Variants in CATSPER2 observed in about 807,000 individuals in gnomAD.
CATSPER2 encodes cation channel sperm-associated protein 2.
CATSPER2 carries 56 observed loss-of-function variants against 68.8 expected under a neutral mutation model. The observed-to-expected ratio is 0.81, with a 90% CI of 0.66 to 1.02. The LOEUF is 1.02. CATSPER2 is among the 50% of genes least tolerant of loss of function. The pLI is 0.00. For missense variants in CATSPER2, 582 were observed against 642.0 expected (o/e 0.91, Z 1.01); for synonymous variants, 198 against 229.9 (o/e 0.86, Z 1.26).
At chr15:43,646,040 AT>A (rs2086157180) in intron 4 of CATSPER2, among the ~76,000 whole-genome samples, 1 of 151,814 alleles carries the variant, frequency 6.6e-6, no homozygotes. Flanking sequence ...GAGCTTTCTT[AT>A]TTATACTTAA....
Position 43,647,983 on chromosome 15 carries a change from A to G in CATSPER2, c.79T>C (p.Ser27Pro), listed in dbSNP as rs1264650108. The change falls in exon 2 of 13, where the codon TCT becomes CCT. Residue 27 changes from serine to proline, a missense_variant. Ser to Pro is a moderately conservative substitution (Grantham distance 74, BLOSUM62 -1). Transcript: ENST00000396879. Reference sequence around the variant, plus strand: ...AAGCCTTGCAAATGCTCAATGAGAGAGAAAGTATCGATGAGACGTGAACGA... The same window carrying G: ...AAGCCTTGCAAATGCTCAATGAGAGGGAAAGTATCGATGAGACGTGAACGA... Reference protein sequence around the residue: ...AIRSRLIDTFSLIEHLQGLSQ... With the variant: ...AIRSRLIDTFPLIEHLQGLSQ... 3.7e-6 allele frequency: 6 copies of G among 1,613,696 alleles called. No homozygotes were observed. In the South Asian group the frequency reaches 5.5e-5, roughly 15 times the overall value.
chr15:43,648,842 A>G lies in CATSPER2; in HGVS notation c.-216T>C. The G allele has an allele frequency of 6.5e-7, 1 of 1,527,088 alleles. No individual in the cohort carries two copies. Among genetic ancestry groups the G allele is most frequent in the Non-Finnish European group, 8.8e-7 (1 of 1,141,368 alleles). The allele number at this position is 1,527,088 out of a possible 1,614,324, so 94.6% of individuals were successfully genotyped here. A position where few individuals can be genotyped will look rare whatever the true frequency, so the allele number is the denominator to read the frequency against. The stretch of plus-strand genomic sequence containing the variant: ...CCCACAGCCCAGGACCATGCGGAGC[A>G]ACGCTCGCCCAGCCACTCGCCGCCT... On this transcript the variant is annotated 5_prime_UTR_variant, in exon 1 of 13. Coordinates refer to ENST00000396879, the MANE Select transcript of CATSPER2 (RefSeq NM_172095.4).
chr15:43,646,750 T>C (rs1431624700), intron 4 of CATSPER2, among the ~76,000 whole-genome samples: 2 of 150,050 alleles, frequency 1.3e-5, no homozygotes, highest in East Asian at 2.0e-4. Context: ...AGTTGTACTC[T>C]GTCGCCCAGG....
intron 9 of CATSPER2, 110 bp downstream of exon 9, chr15:43,635,617 G>A (rs1363619815): frequency 2.7e-6 from 3 of 1,097,490 alleles, no homozygotes; most frequent in African/African-American, 1.6e-5. Context: ...TTATCCTTGG[G>A]GGCAAATCTA....
rs1567125581 is a variant in CATSPER2, at chr15:43,632,843, T to C, written c.1270A>G (p.Ile424Val). Residue 424 changes from isoleucine to valine, a missense_variant, in exon 11 of 13, where the codon ATA (isoleucine) becomes GTA (valine). Transcript: ENST00000396879. ...TCTTCTGTTTTTGATGCAGATGTTA[T>C]TAAATCCTCTTCAGTGGCACCATAA... Reference protein sequence around the residue: ...SNYGATEEDLITSASKTEETL... With the variant: ...SNYGATEEDLVTSASKTEETL... 1.9e-6 allele frequency: 3 copies of C among 1,613,490 alleles called. No individual in the cohort carries two copies. Among genetic ancestry groups the C allele is most frequent in the Non-Finnish European group, 1.7e-6 (2 of 1,179,774 alleles).
intron 4 of CATSPER2, chr15:43,642,709 T>C (rs1339496471): frequency 7.6e-6 from 1 of 131,690 alleles, no homozygotes; most frequent in Admixed American, 8.2e-5. Flanking sequence ...GTCCAAATTA[T>C]AGAAGCAGTA....
chr15:43,639,036 C>G lies in CATSPER2; in HGVS notation c.718-8G>C. On this transcript the variant is annotated splice_region_variant and splice_polypyrimidine_tract_variant and intron_variant, in intron 6 of 12. Coordinates refer to ENST00000396879, the MANE Select transcript of CATSPER2 (RefSeq NM_172095.4). ...CAAGAGGAAGGTCATGCTCTAGAGG[C>G]CATAACTCTCATGTCAGATGTGGGC... 1.2e-6 allele frequency: 2 copies of G among 1,611,520 alleles called. 1 individual carries two copies.
At chr15:43,639,291 C>CTAGA in intron 6 of CATSPER2, 1 of 478,562 alleles carries the variant, frequency 2.1e-6, no homozygotes, top group East Asian at 4.3e-5. Flanking sequence ...GTCGCCTAGG[C>CTAGA]TAGAGTGCAG....
chr15:43,639,679 A>C lies in CATSPER2; in HGVS notation c.681T>G (p.Ile227Met), dbSNP rs773207863. The change falls in exon 6 of 13, where the codon ATT becomes ATG. Residue 227 changes from isoleucine to methionine, a missense_variant. Physicochemically the swap from Ile to Met is conservative, Grantham distance 10 (BLOSUM62 1). Coordinates refer to ENST00000396879, the MANE Select transcript of CATSPER2 (RefSeq NM_172095.4). The stretch of plus-strand genomic sequence containing the variant: ...TGACCAGGACCAAAATAATAATTTG[A>C]ATTTGACGGAATTGTGCAAGGAGTT... ...SLKLLAQFRQ[I>M]QIIILVLVRA... 1.1e-5 allele frequency: 17 copies of C among 1,613,058 alleles called. 2 individuals are homozygous for C. In the African/African-American group the frequency reaches 2.3e-4, roughly 22 times the overall value.
chr15:43,639,847 G>T, intron 5 of CATSPER2, 49 bp from the exon 6 acceptor site: 1 of 1,607,540 alleles, frequency 6.2e-7, no homozygotes, highest in Non-Finnish European at 8.5e-7. Flanking sequence ...AAGGCACCCA[G>T]GCAGAATTGC....
chr15:43,631,633 A>G (rs2085874076), intron 12 of CATSPER2: 2 of 272,618 alleles, frequency 7.3e-6, no homozygotes, highest in Non-Finnish European at 1.6e-5. Flanking sequence ...TTTACATCAA[A>G]CTCTACTATT....
chr15:43,641,490 T>C (rs1399637580), intron 4 of CATSPER2, among the ~76,000 whole-genome samples: 2 of 150,128 alleles, frequency 1.3e-5, no homozygotes, highest in Admixed American at 1.3e-4. Context: ...TTTTATACAA[T>C]GAATGGATGT....
intron 7 of CATSPER2, 116 bp downstream of exon 7, chr15:43,638,788 T>C (rs994656633): frequency 1.6e-6 from 2 of 1,242,596 alleles, no homozygotes; most frequent in African/African-American, 3.0e-5. Context: ...CCTATTGTGT[T>C]CTATTTCAGT....
At chr15:43,641,759 A>C (rs1290533672) in intron 4 of CATSPER2, among the ~76,000 whole-genome samples, 1 of 151,960 alleles carries the variant, frequency 6.6e-6, no homozygotes, top group Admixed American at 6.6e-5. Flanking sequence ...AGGCTGGAGG[A>C]GTGCAGTTGC....
chr15:43,635,872 C>T (rs775123128), intron 8 of CATSPER2, 46 bp from the exon 9 acceptor site: 7 of 1,569,592 alleles, frequency 4.5e-6, no homozygotes, highest in African/African-American at 1.4e-5. Flanking sequence ...AATGACTAGA[C>T]TTGGGAAGAG....
At chr15:43,648,846 C>A (rs2086225965), upstream of CATSPER2, 1 of 1,526,748 alleles carries the variant, frequency 6.5e-7, no homozygotes, top group East Asian at 2.5e-5. Context: ...CGGAGCAACG[C>A]TCGCCCAGCC....
Position 43,648,844 on chromosome 15 carries a change from C to A in CATSPER2, c.-218G>T, listed in dbSNP as rs753153645. 4 of 1,527,230 alleles carry A rather than the reference C, an allele frequency of 2.6e-6. No homozygotes were observed. Among genetic ancestry groups the A allele is most frequent in the East Asian group, 2.5e-5 (1 of 39,978 alleles). 94.6% of individuals were successfully genotyped at this position (1,527,230 alleles called of 1,614,324 possible). On this transcript the variant is annotated 5_prime_UTR_variant, in exon 1 of 13. Transcript: ENST00000396879. ...CACAGCCCAGGACCATGCGGAGCAA[C>A]GCTCGCCCAGCCACTCGCCGCCTAG...
At chr15:43,648,501 T>A (rs1484457562) in intron 1 of CATSPER2, 128 bp downstream of exon 1, 1 of 945,668 alleles carries the variant, frequency 1.1e-6, no homozygotes, top group East Asian at 3.2e-5. Context: ...AGAAACCAAG[T>A]GCAGAGAAAT....
intron 4 of CATSPER2, among the ~76,000 whole-genome samples, chr15:43,641,884 G>C (rs998291873): frequency 1.3e-5 from 2 of 151,664 alleles, no homozygotes; most frequent in African/African-American, 4.8e-5. Flanking sequence ...TACTTGTAGA[G>C]ATGGGGTCTC....
Sources: allele counts gnomAD v4.1 joint callset (sites outside exome capture counted in the v4.1 genomes callset), GRCh38; gene constraint gnomAD v4.1.1; transcripts MANE v1.5; gene names NCBI Gene and HGNC (gene_info 2026-07-23, HGNC 2026-07-21).